The following BLVRA variants were observed in gnomAD, a reference collection of about 807,000 sequenced individuals.
BLVRA encodes BVR A.
Under a neutral mutation model 32.8 loss-of-function variants are expected in BLVRA, and 22 were observed. The observed-to-expected ratio is 0.67, with a 90% CI of 0.48 to 0.96. BLVRA has a LOEUF of 0.96. BLVRA is among the 40% of genes least tolerant of loss of function. The pLI, the probability that BLVRA is intolerant of heterozygous loss-of-function variation, is 0.00. For synonymous variants in BLVRA, 119 were observed against 141.3 expected, an observed-to-expected ratio of 0.84 and a Z score of 1.12; for missense variants, 323 against 358.1, an observed-to-expected ratio of 0.90 and a Z score of 0.79.
intron 5 of BLVRA, among the ~76,000 whole-genome samples, chr7:43,800,021 T>C (rs1440950801): frequency 6.6e-6 from 1 of 152,184 alleles, no homozygotes; most frequent in Non-Finnish European, 1.5e-5. Flanking sequence ...AGTGATGCAA[T>C]CTTGGCCCAC....
chr7:43,774,457 G>A (rs1192655727), intron 2 of BLVRA, among the ~76,000 whole-genome samples: 18 of 152,142 alleles, frequency 1.2e-4, no homozygotes, highest in African/African-American at 3.6e-4. Context: ...GTAGATATGC[G>A]GCATTATTTC....
At chr7:43,770,461 A>T (rs2095753334) in intron 1 of BLVRA, among the ~76,000 whole-genome samples, 1 of 152,130 alleles carries the variant, frequency 6.6e-6, no homozygotes, top group Admixed American at 6.5e-5. Flanking sequence ...GGCCTTCCAA[A>T]TCAGAATCTG....
At chr7:43,763,950 T>C (rs1220992912) in intron 1 of BLVRA, among the ~76,000 whole-genome samples, 1 of 152,138 alleles carries the variant, frequency 6.6e-6, no homozygotes, top group Non-Finnish European at 1.5e-5. Flanking sequence ...GAACATGATA[T>C]AGTCAGTGTA....
intron 2 of BLVRA, among the ~76,000 whole-genome samples, chr7:43,782,639 AC>A (rs1239579491): frequency 6.6e-6 from 1 of 152,068 alleles, no homozygotes; most frequent in Non-Finnish European, 1.5e-5. Context: ...AGAATGAGGG[AC>A]CCCCATATTC....
chr7:43,787,835 T>C lies in BLVRA; in HGVS notation c.13-69T>C. On this transcript the variant is annotated intron_variant, in intron 2 of 7. Coordinates refer to ENST00000265523, the MANE Select transcript of BLVRA (RefSeq NM_000712.4). The surrounding 1 kb of genome is among the most constrained non-coding windows in gnomAD (Gnocchi z 4.5). ...TGCTCGTCGGGACCCTGCCAGCTCC[T>C]TTGTTTTGTAGTTTTCTGCTCGATG... 1.2e-6 allele frequency: 2 copies of C among 1,613,238 alleles called. No homozygotes were observed. Among genetic ancestry groups the C allele is most frequent in the East Asian group, 2.2e-5 (1 of 44,854 alleles).
intron 5 of BLVRA, among the ~76,000 whole-genome samples, chr7:43,796,121 CAAAAAAAA>C (rs371922009): frequency 9.6e-4 from 64 of 66,720 alleles, no homozygotes; most frequent in African/African-American, 3.7e-3. Context: ...CTCTGTCTCA[CAAAAAAAA>C]AAAAAAAAGA....
chr7:43,789,347 C>T (rs1172780774), intron 3 of BLVRA, among the ~76,000 whole-genome samples: 4 of 152,132 alleles, frequency 2.6e-5, no homozygotes, highest in Admixed American at 2.6e-4. Context: ...TCCGGCCTGT[C>T]TCAAAACATG....
At chr7:43,761,877 T>C (rs1585706980) in intron 1 of BLVRA, among the ~76,000 whole-genome samples, 1 of 152,258 alleles carries the variant, frequency 6.6e-6, no homozygotes, top group South Asian at 2.1e-4. Flanking sequence ...ACATAATTAC[T>C]GGTAATATTT....
At position 43,793,942 on chromosome 7, in the gene BLVRA, G is replaced by GA. The variant is rs77958021; in HGVS notation, c.352+1143dup. On this transcript the variant is annotated intron_variant, in intron 5 of 7. Transcript: ENST00000265523. Reference sequence around the variant, plus strand: ...CGGCATACAAAATTTTTAATTACAAGAAAAAAAAAAAAAGACTCAGCTGGG... The same window carrying GA: ...CGGCATACAAAATTTTTAATTACAAGAAAAAAAAAAAAAAGACTCAGCTGGG... Among the ~76,000 whole-genome samples, 128 of 139,122 alleles carry GA rather than the reference G, an allele frequency of 9.2e-4. 1 individual carries two copies. The highest frequency in any genetic ancestry group is 3.3e-3 in the East Asian group (15 of 4,512). 91.3% of individuals were successfully genotyped at this position (139,122 alleles called of 152,430 possible). A position where few individuals can be genotyped will look rare whatever the true frequency, so the allele number is the denominator to read the frequency against.
chr7:43,794,221 C>A (rs2095789299), intron 5 of BLVRA, among the ~76,000 whole-genome samples: 1 of 151,940 alleles, frequency 6.6e-6, no homozygotes. Flanking sequence ...CAGAGTGAGA[C>A]CCTGTCTCAA....
intron 4 of BLVRA, among the ~76,000 whole-genome samples, chr7:43,792,431 C>T (rs1022451115): frequency 3.9e-5 from 6 of 152,116 alleles, no homozygotes; most frequent in Non-Finnish European, 5.9e-5. Flanking sequence ...GTCTTTATTT[C>T]TCCTCCACAG....
intron 5 of BLVRA, among the ~76,000 whole-genome samples, chr7:43,796,234 T>A (rs2095792765): frequency 6.6e-6 from 1 of 151,886 alleles, no homozygotes; most frequent in African/African-American, 2.4e-5. Flanking sequence ...TAAAAAGGAT[T>A]ATATGAGACT....
intron 2 of BLVRA, among the ~76,000 whole-genome samples, chr7:43,778,872 C>A (rs1179628588): frequency 1.3e-5 from 2 of 152,264 alleles, no homozygotes; most frequent in Non-Finnish European, 2.9e-5. Context: ...GCGCCCCTCC[C>A]CCAGCCTTGC....
intron 1 of BLVRA, among the ~76,000 whole-genome samples, chr7:43,769,340 A>G (rs2095751868): frequency 6.6e-6 from 1 of 152,020 alleles, no homozygotes; most frequent in Non-Finnish European, 1.5e-5. Flanking sequence ...TTTCTGAGAT[A>G]TTTTATGCAT....
At chr7:43,800,409 T>G (rs1441691842) in intron 5 of BLVRA, 56 bp from the exon 6 acceptor site, 1 of 1,495,346 alleles carries the variant, frequency 6.7e-7, no homozygotes, top group Non-Finnish European at 9.3e-7. Context: ...CCCTCTGGGA[T>G]GCACACCTAG....
intron 1 of BLVRA, chr7:43,767,522 C>T (rs1336733971): frequency 1.7e-6 from 2 of 1,166,858 alleles, no homozygotes; most frequent in Non-Finnish European, 2.6e-6. Context: ...GGTCACCGGC[C>T]ATGTGGTGCT....
intron 2 of BLVRA, among the ~76,000 whole-genome samples, chr7:43,780,964 T>C (rs566849666): frequency 2.6e-5 from 4 of 152,320 alleles, no homozygotes; most frequent in South Asian, 2.1e-4. Flanking sequence ...CTGGCCAACA[T>C]GGCGAAACCC....
chr7:43,772,817 G>A (rs1014538223), intron 2 of BLVRA, among the ~76,000 whole-genome samples: 4 of 152,160 alleles, frequency 2.6e-5, no homozygotes, highest in South Asian at 2.1e-4. Flanking sequence ...AACCACCCCC[G>A]TGATTCAGTT....
chr7:43,786,359 A>G (rs879461296), intron 2 of BLVRA, among the ~76,000 whole-genome samples: 6 of 152,264 alleles, frequency 3.9e-5, no homozygotes, highest in Non-Finnish European at 8.8e-5. Context: ...ACTTGTATGT[A>G]TCTAATAACA....
Sources: allele counts gnomAD v4.1 joint callset (sites outside exome capture counted in the v4.1 genomes callset), GRCh38; gene constraint gnomAD v4.1.1; non-coding constraint Gnocchi (gnomAD v3.1); transcripts MANE v1.5; gene names NCBI Gene and HGNC (gene_info 2026-07-23, HGNC 2026-07-21).